The following DTNBP1 variants were observed in gnomAD, a reference collection of about 807,000 sequenced individuals.
DTNBP1 encodes dysbindin.
Under a neutral mutation model 42.8 loss-of-function variants are expected in DTNBP1, and 35 were observed. The observed-to-expected ratio is 0.82, with a 90% CI of 0.63 to 1.09. DTNBP1 has a LOEUF of 1.09. Among genes scored for constraint, DTNBP1 ranks in the 50% least tolerant of loss-of-function variants. The probability of loss-of-function intolerance (pLI) is 0.00; values close to 1 mark genes in which losing one functional copy is unlikely to be tolerated. For missense variants in DTNBP1, 457 were observed against 424.2 expected, an observed-to-expected ratio of 1.08 and a Z score of -0.68; for synonymous variants, 171 against 162.2, an observed-to-expected ratio of 1.05 and a Z score of -0.41.
chr6:15,528,380 C>G (rs1772564542), intron 8 of DTNBP1, among the ~76,000 whole-genome samples: 1 of 144,948 alleles, frequency 6.9e-6, no homozygotes, highest in African/African-American at 2.8e-5. Flanking sequence ...ATAGCACACC[C>G]TTACCACCCC....
chr6:15,606,309 C>T (rs931472605), intron 6 of DTNBP1, among the ~76,000 whole-genome samples: 2 of 152,196 alleles, frequency 1.3e-5, no homozygotes, highest in South Asian at 4.1e-4. Context: ...AAATGAATGA[C>T]AAAATATCAT....
intron 4 of DTNBP1, among the ~76,000 whole-genome samples, chr6:15,637,381 G>C (rs1187053316): frequency 6.6e-6 from 1 of 152,096 alleles, no homozygotes; most frequent in Non-Finnish European, 1.5e-5. Context: ...AAATAATAAG[G>C]AATTCTTAAA....
rs142607661 is a variant in DTNBP1 at position 15,647,176 on chromosome 6, A to G, written c.161+4137T>C. Among the ~76,000 whole-genome samples, 522 of 152,148 alleles carry G rather than the reference A, an allele frequency of 3.4e-3. 4 individuals carry two copies. Among genetic ancestry groups the G allele is most frequent in the Non-Finnish European group, 2.3e-3 (158 of 67,888 alleles). On this transcript the variant is annotated intron_variant, in intron 3 of 9. Coordinates refer to ENST00000344537, the MANE Select transcript of DTNBP1 (RefSeq NM_032122.5). ...AACAAGAAAAAACAACCCCATTAAA[A>G]AGTGAGCAAAGGATATGAATAGACT...
At chr6:15,547,590 G>A (rs1028969398) in intron 7 of DTNBP1, among the ~76,000 whole-genome samples, 24 of 152,196 alleles carry the variant, frequency 1.6e-4, no homozygotes, top group Non-Finnish European at 1.5e-5. Flanking sequence ...TATCCAGAAC[G>A]GAAGAGCTCC....
chr6:15,636,903 G>A (rs1314367672), intron 4 of DTNBP1, among the ~76,000 whole-genome samples: 1 of 152,050 alleles, frequency 6.6e-6, no homozygotes, highest in Non-Finnish European at 1.5e-5. Flanking sequence ...GTATCTTAAA[G>A]AACTTTTAAA....
intron 6 of DTNBP1, chr6:15,595,355 C>T: frequency 2.7e-6 from 1 of 376,882 alleles, no homozygotes; most frequent in South Asian, 2.0e-5. Context: ...ACCTCTGCCT[C>T]CCGGGTTCAA....
intron 7 of DTNBP1, among the ~76,000 whole-genome samples, chr6:15,559,030 C>T (rs1032917224): frequency 2.0e-5 from 3 of 152,136 alleles, no homozygotes; most frequent in African/African-American, 4.8e-5. Context: ...GAGCGATTTT[C>T]GTATCAAAGT....
At chr6:15,538,070 G>C (rs966974308) in intron 7 of DTNBP1, among the ~76,000 whole-genome samples, 1 of 152,150 alleles carries the variant, frequency 6.6e-6, no homozygotes, top group African/African-American at 2.4e-5. Flanking sequence ...GCTCCCTGGT[G>C]TACCTGCTCT....
At chr6:15,626,878 C>A (rs1033804211) in intron 5 of DTNBP1, among the ~76,000 whole-genome samples, 2 of 152,166 alleles carry the variant, frequency 1.3e-5, no homozygotes, top group Non-Finnish European at 2.9e-5. Flanking sequence ...TGCCACCACA[C>A]CCAGCACAAG....
At chr6:15,644,198 A>C (rs939515882) in intron 3 of DTNBP1, among the ~76,000 whole-genome samples, 3 of 151,988 alleles carry the variant, frequency 2.0e-5, no homozygotes, top group Admixed American at 6.5e-5. Flanking sequence ...AAAGACAAAG[A>C]AGGGTACAAC....
intron 7 of DTNBP1, among the ~76,000 whole-genome samples, chr6:15,573,078 T>C (rs1399990262): frequency 1.3e-5 from 2 of 152,204 alleles, no homozygotes; most frequent in African/African-American, 2.4e-5. Flanking sequence ...TGTACACATA[T>C]ATTTGGGTTA....
chr6:15,573,769 G>GCGATCT, intron 7 of DTNBP1, among the ~76,000 whole-genome samples: 1 of 152,306 alleles, frequency 6.6e-6, no homozygotes, highest in South Asian at 2.1e-4. Context: ...GAGCAGTGGT[G>GCGATCT]CGATCTCGGC....
chr6:15,569,774 C>T (rs1035792509), intron 7 of DTNBP1, among the ~76,000 whole-genome samples: 6 of 152,184 alleles, frequency 3.9e-5, no homozygotes, highest in African/African-American at 1.4e-4. Flanking sequence ...ATAGAAATTT[C>T]GTGCCCACTC....
At chr6:15,652,914 C>T (rs926184577) in intron 1 of DTNBP1, among the ~76,000 whole-genome samples, 4 of 152,302 alleles carry the variant, frequency 2.6e-5, no homozygotes, top group East Asian at 3.9e-4. Flanking sequence ...TGTGCTACCA[C>T]GCCAGGCCTT....
rs1409480049 is a variant in DTNBP1, at chr6:15,522,812, C to T, written c.*163G>A. Reference sequence around the variant, plus strand: ...CTAGCTCTGTGCGCTCTCAGTTTACCGTCCTCACACTTTATTGTTAGCTGT... The same window carrying T: ...CTAGCTCTGTGCGCTCTCAGTTTACTGTCCTCACACTTTATTGTTAGCTGT... On this transcript the variant is annotated 3_prime_UTR_variant, in exon 10 of 10. Coordinates refer to ENST00000344537, the MANE Select transcript of DTNBP1 (RefSeq NM_032122.5). 2.2e-5 allele frequency: 27 copies of T among 1,247,524 alleles called. No individual in the cohort carries two copies. The highest frequency in any genetic ancestry group is 2.5e-5 in the Non-Finnish European group (22 of 882,774). 77.3% of individuals were successfully genotyped at this position (1,247,524 alleles called of 1,614,324 possible).
At chr6:15,523,895 C>G (rs1430600244) in intron 9 of DTNBP1, 1 of 1,287,258 alleles carries the variant, frequency 7.8e-7, no homozygotes, top group Non-Finnish European at 1.0e-6. Context: ...GAACCTTCTA[C>G]AGATGGCTGA....
At chr6:15,524,786 A>C (rs1772249941) in intron 8 of DTNBP1, 117 bp from the exon 9 acceptor site, 2 of 1,481,338 alleles carry the variant, frequency 1.4e-6, no homozygotes, top group African/African-American at 2.8e-5. Context: ...TCAAAATGGA[A>C]TTTGAAGCAA....
intron 8 of DTNBP1, among the ~76,000 whole-genome samples, chr6:15,532,039 G>T (rs1772871998): frequency 6.6e-6 from 1 of 152,224 alleles, no homozygotes; most frequent in Non-Finnish European, 1.5e-5. Flanking sequence ...GAGAACAAAG[G>T]CCAGGGCCAG....
At chr6:15,621,960 TATC>T (rs2113722413) in intron 5 of DTNBP1, among the ~76,000 whole-genome samples, 2 of 152,344 alleles carry the variant, frequency 1.3e-5, no homozygotes, top group South Asian at 4.1e-4. Context: ...TTCTGACTGA[TATC>T]ATCCAACCAG....
Sources: gnomAD v4.1 joint callset for allele counts (sites outside exome capture counted in the v4.1 genomes callset) on GRCh38, gnomAD v4.1.1 for gene constraint, MANE v1.5 for transcripts, NCBI Gene and HGNC (gene_info 2026-07-23, HGNC 2026-07-21) for gene names.